The following CTSZ variants were observed in gnomAD, a reference collection of about 807,000 sequenced individuals.
CTSZ encodes the protein cathepsin Z.
Under a neutral mutation model 32.4 loss-of-function variants are expected in CTSZ, and 39 were observed. The observed-to-expected ratio is 1.20, with a 90% CI of 0.93 to 1.57. CTSZ has a LOEUF of 1.57. Ranked by LOEUF, CTSZ falls within the 40% of genes most tolerant of loss-of-function variation. The pLI is 0.00. For missense variants in CTSZ, 397 were observed against 419.6 expected (o/e 0.95, Z 0.47); for synonymous variants, 168 against 170.1 (o/e 0.99, Z 0.10).
chr20:59,004,507 AGAGAAG>A lies in CTSZ; in HGVS notation c.307+1809_307+1814del. ...CTGAGGCTGGAGTGGGTTCAAGGGT[AGAGAAG>A]AGGAAGTGGAGGGACTCCAGATACT... On this transcript the variant is annotated intron_variant, in intron 2 of 5. Coordinates refer to ENST00000217131, the MANE Select transcript of CTSZ (RefSeq NM_001336.4). This position sits in a 1 kb window ranked among gnomAD's most constrained non-coding sequence, Gnocchi z 5.6. Among the ~76,000 whole-genome samples, 1 of 151,944 alleles carries A rather than the reference AGAGAAG, an allele frequency of 6.6e-6. No homozygotes were observed. The highest frequency in any genetic ancestry group is 1.9e-4 in the East Asian group (1 of 5,146).
Position 58,997,709 on chromosome 20 carries a change from CTT to C in CTSZ, c.530_531del (p.Lys177ArgfsTer47), listed in dbSNP as rs748290967. 1.9e-5 allele frequency: 30 copies of C among 1,610,292 alleles called. No individual in the cohort carries two copies. The highest frequency in any genetic ancestry group is 2.5e-5 in the Non-Finnish European group (29 of 1,178,266). On this transcript the variant is annotated frameshift_variant, in exon 4 of 6. Coordinates refer to ENST00000217131, the MANE Select transcript of CTSZ (RefSeq NM_001336.4). LOFTEE classifies it high-confidence loss of function. ...GTGTAGTTCCGGATGGCGTGGCACT[CTT>C]TGAATTCATTGCATGTCCCACATTG... is the stretch of plus-strand genomic sequence containing the variant. ...FNQCGTCNEF[K>X]ECHAIRNYTL...
intron 3 of CTSZ, among the ~76,000 whole-genome samples, chr20:58,999,157 T>A (rs2091876304): frequency 6.6e-6 from 1 of 152,100 alleles, no homozygotes; most frequent in African/African-American, 2.4e-5. Flanking sequence ...TGCCTTAGCC[T>A]CCTGAGTAGC....
chr20:59,005,196 G>C (rs2091904313), intron 2 of CTSZ, among the ~76,000 whole-genome samples: 1 of 152,122 alleles, frequency 6.6e-6, no homozygotes, highest in African/African-American at 2.4e-5. Flanking sequence ...TGAACGATCA[G>C]AAGTGTGTTC....
chr20:59,006,284 G>A, intron 2 of CTSZ, 38 bp downstream of exon 2: 1 of 1,554,462 alleles, frequency 6.4e-7, no homozygotes, highest in South Asian at 1.2e-5. Context: ...CAGCCGGGAT[G>A]GGCTTTCCTG....
At position 59,004,535 on chromosome 20, in the gene CTSZ, T is replaced by C. The variant is rs539524746; in HGVS notation, c.307+1787A>G. On this transcript the variant is annotated intron_variant, in intron 2 of 5. Transcript: ENST00000217131. The surrounding 1 kb of genome is among the most constrained non-coding windows in gnomAD (Gnocchi z 5.6). ...GAAGAGGAAGTGGAGGGACTCCAGA[T>C]ACTTCCCTAGGGAGCCCAGAATTGG... Among the ~76,000 whole-genome samples the C allele has an allele frequency of 1.3e-4, 20 of 151,936 alleles. No homozygotes were observed. Among genetic ancestry groups the C allele is most frequent in the African/African-American group, 4.6e-4 (19 of 41,428 alleles).
intron 1 of CTSZ, 136 bp from the exon 2 acceptor site, chr20:59,006,621 AG>A: frequency 1.1e-6 from 1 of 924,464 alleles, no homozygotes; most frequent in East Asian, 2.5e-5. Context: ...ACCAGAGGTG[AG>A]CCAGGTGTGG....
intron 2 of CTSZ, among the ~76,000 whole-genome samples, chr20:59,001,853 T>C (rs548188230): frequency 6.6e-6 from 1 of 152,348 alleles, no homozygotes; most frequent in African/African-American, 2.4e-5. Context: ...CTCCTGGCCT[T>C]CTTTGGGCAC....
chr20:59,006,124 C>A, intron 2 of CTSZ, 198 bp downstream of exon 2: 1 of 636,602 alleles, frequency 1.6e-6, no homozygotes, highest in South Asian at 2.1e-5. Context: ...TGCCTGTCAC[C>A]CAAAAGCCCC....
intron 2 of CTSZ, 43 bp downstream of exon 2, chr20:59,006,279 G>A (rs374531729): frequency 4.5e-6 from 7 of 1,546,810 alleles, no homozygotes; most frequent in South Asian, 2.4e-5. Context: ...ACAGGCAGCC[G>A]GGATGGGCTT....
rs186380851 is a variant in CTSZ at position 59,006,454 on chromosome 20, G to A, written c.175C>T (p.Pro59Ser). Residue 59 changes from proline to serine, a missense_variant, in exon 2 of 6, where the codon CCA (proline) becomes TCA (serine). Coordinates refer to ENST00000217131, the MANE Select transcript of CTSZ (RefSeq NM_001336.4). ...TYPRPHEYLS[P>S]ADLPKSWDWR... is the part of the protein sequence containing the mutation. The stretch of plus-strand genomic sequence containing the variant: ...TCCCAGCTCTTGGGCAGATCCGCTG[G>A]GGACAGGTACTCATGAGGCCGGGGG... 7.9e-5 allele frequency: 128 copies of A among 1,613,812 alleles called. No individual in the cohort carries two copies. The highest frequency in any genetic ancestry group is 3.3e-4 in the Middle Eastern group (2 of 6,062).
rs1253034871 is a variant in CTSZ at position 59,002,248 on chromosome 20, C to T, written c.308-604G>A. 2.0e-5 allele frequency among the ~76,000 whole-genome samples: 3 copies of T among 152,200 alleles called. No individual in the cohort carries two copies. The highest frequency in any genetic ancestry group is 1.9e-4 in the East Asian group (1 of 5,196). ...CCCTCACTGCCCAGGTGGCTGGGCT[C>T]TAAATCCCAAGGTGCAGCCAGGGAC... On this transcript the variant is annotated intron_variant, in intron 2 of 5. Coordinates refer to ENST00000217131, the MANE Select transcript of CTSZ (RefSeq NM_001336.4). This position sits in a 1 kb window ranked among gnomAD's most constrained non-coding sequence, Gnocchi z 4.1.
At position 58,995,596 on chromosome 20, in the gene CTSZ, C is replaced by A; in HGVS notation, c.*53G>T. 6.6e-7 allele frequency: 1 copy of A among 1,515,430 alleles called. No homozygotes were observed. The highest frequency in any genetic ancestry group is 1.1e-5 in the South Asian group (1 of 88,536). 93.9% of individuals were successfully genotyped at this position (1,515,430 alleles called of 1,614,324 possible). A position where few individuals can be genotyped will look rare whatever the true frequency, so the allele number is the denominator to read the frequency against. ...GGCACACATAACCATAGGATCCCCT[C>A]TGGTCATGGGTCACCATGCCTTTTC... is the stretch of plus-strand genomic sequence containing the variant. On this transcript the variant is annotated 3_prime_UTR_variant, in exon 6 of 6. Coordinates refer to ENST00000217131, the MANE Select transcript of CTSZ (RefSeq NM_001336.4).
chr20:59,005,664 CCT>C (rs2146366539), intron 2 of CTSZ, among the ~76,000 whole-genome samples: 1 of 152,298 alleles, frequency 6.6e-6, no homozygotes, highest in South Asian at 2.1e-4. Context: ...GCTCCTGGAC[CCT>C]GTGCTGTGAC....
rs947370139 is a variant in CTSZ, at chr20:58,995,492, T to G, written c.*157A>C. The G allele has an allele frequency of 1.6e-6, 1 of 620,668 alleles. No homozygotes were observed. Among genetic ancestry groups the G allele is most frequent in the Non-Finnish European group, 2.8e-6 (1 of 351,784 alleles). The allele number at this position is 620,668 out of a possible 1,614,324, so 38.4% of individuals were successfully genotyped here. On this transcript the variant is annotated 3_prime_UTR_variant, in exon 6 of 6. Transcript: ENST00000217131. The stretch of plus-strand genomic sequence containing the variant: ...TCATAAGTCATCCCACTTTCAACTC[T>G]CAGGAACACTCGCAGCCAGTGCCAC...
chr20:59,003,430 A>C (rs2091897638), intron 2 of CTSZ, among the ~76,000 whole-genome samples: 1 of 152,186 alleles, frequency 6.6e-6, no homozygotes, highest in African/African-American at 2.4e-5. Context: ...GTGGGCTAAC[A>C]CAAGTGTCCT....
chr20:59,002,947 G>T lies in CTSZ; in HGVS notation c.308-1303C>A, dbSNP rs1281112195. ...CTCACAACAACAGAGGAAGCCCCCG[G>T]CCCCTCCCACTCACTATCACGGTTT... On this transcript the variant is annotated intron_variant, in intron 2 of 5. Coordinates refer to ENST00000217131, the MANE Select transcript of CTSZ (RefSeq NM_001336.4). The surrounding 1 kb of genome is among the most constrained non-coding windows in gnomAD (Gnocchi z 4.1). 2.0e-5 allele frequency among the ~76,000 whole-genome samples: 3 copies of T among 151,978 alleles called. No individual in the cohort carries two copies. The highest frequency in any genetic ancestry group is 4.4e-5 in the Non-Finnish European group (3 of 68,006).
intron 2 of CTSZ, 64 bp downstream of exon 2, chr20:59,006,258 T>C: frequency 1.3e-6 from 2 of 1,511,478 alleles, no homozygotes; most frequent in African/African-American, 1.4e-5. Flanking sequence ...CTGAGCTGCC[T>C]GGGCCTATAA....
In CTSZ at chr20:58,997,755, T is replaced by C. The variant is rs766695170; in HGVS notation, c.488-2A>G. On this transcript the variant is annotated splice_acceptor_variant, in intron 3 of 5. Transcript: ENST00000217131. LOFTEE classifies it high-confidence loss of function. ...CACATTGGTTAAACTTGTCACACTCTGGGGGAGAGCAAGAAAAGTCAGCAT... is the reference window on the plus strand; with the variant it reads ...CACATTGGTTAAACTTGTCACACTCCGGGGGAGAGCAAGAAAAGTCAGCAT... 6.3e-6 allele frequency: 10 copies of C among 1,592,498 alleles called. No individual in the cohort carries two copies. Among genetic ancestry groups the C allele is most frequent in the Admixed American group, 3.5e-5 (2 of 56,424 alleles).
intron 2 of CTSZ, among the ~76,000 whole-genome samples, chr20:59,005,216 G>C (rs1480001351): frequency 6.6e-6 from 1 of 152,098 alleles, no homozygotes; most frequent in African/African-American, 2.4e-5. Context: ...CCAGCCCCCG[G>C]GGGAGACGCC....
Sources: gnomAD v4.1 joint callset for allele counts (sites outside exome capture counted in the v4.1 genomes callset) on GRCh38, gnomAD v4.1.1 for gene constraint, Gnocchi (gnomAD v3.1) non-coding constraint, MANE v1.5 for transcripts, NCBI Gene and HGNC (gene_info 2026-07-23, HGNC 2026-07-21) for gene names.